The following NLGN1 variants were observed in gnomAD, a reference collection of about 807,000 sequenced individuals.
NLGN1 encodes the protein neuroligin 1.
A neutral mutation model predicts 65.5 loss-of-function variants in NLGN1; 12 were observed. That is an observed-to-expected ratio of 0.18 (90% CI 0.12 to 0.30). The LOEUF (loss-of-function observed/expected upper bound fraction) is 0.30, where lower values mean the gene tolerates loss of function less well. Among genes scored for constraint, NLGN1 ranks in the 10% least tolerant of loss-of-function variants. The pLI is 1.00. For synonymous variants in NLGN1, 350 were observed against 359.5 expected (o/e 0.97, Z 0.30); for missense variants, 750 against 1,007.1 (o/e 0.74, Z 3.46).
intron 4 of NLGN1, among the ~76,000 whole-genome samples, chr3:174,023,871 T>C (rs1425795831): frequency 1.3e-5 from 2 of 152,108 alleles, no homozygotes; most frequent in South Asian, 2.1e-4. Flanking sequence ...CAGGGCAGAC[T>C]GATCTGGAAA....
chr3:174,207,899 A>G (rs1404412600), intron 4 of NLGN1, among the ~76,000 whole-genome samples: 1 of 152,214 alleles, frequency 6.6e-6, no homozygotes, highest in Non-Finnish European at 1.5e-5. Flanking sequence ...AATATATGCA[A>G]ACTAGAACTG....
chr3:173,490,764 T>C (rs1728996817), intron 2 of NLGN1, among the ~76,000 whole-genome samples: 1 of 152,186 alleles, frequency 6.6e-6, no homozygotes, highest in Non-Finnish European at 1.5e-5. Flanking sequence ...TCCTCTTTTA[T>C]TTCATTGAGC....
At chr3:174,013,663 C>A (rs548637374) in intron 4 of NLGN1, among the ~76,000 whole-genome samples, 1 of 152,114 alleles carries the variant, frequency 6.6e-6, no homozygotes, top group African/African-American at 2.4e-5. Flanking sequence ...AGATAAATAT[C>A]GACTTTTCTC....
chr3:173,653,984 C>T (rs1014980727), intron 3 of NLGN1, among the ~76,000 whole-genome samples: 5 of 152,134 alleles, frequency 3.3e-5, no homozygotes, highest in Non-Finnish European at 7.4e-5. Flanking sequence ...AACCGGATAG[C>T]CACATGAGTG....
intron 4 of NLGN1, among the ~76,000 whole-genome samples, chr3:174,272,044 G>C (rs915953229): frequency 2.2e-4 from 33 of 151,712 alleles, no homozygotes; most frequent in African/African-American, 7.2e-4. Flanking sequence ...ATATGTCAAT[G>C]TGTTACAATA....
chr3:173,780,169 G>C (rs1479239744), intron 3 of NLGN1, among the ~76,000 whole-genome samples: 6 of 152,148 alleles, frequency 3.9e-5, no homozygotes, highest in African/African-American at 1.2e-4. Flanking sequence ...ATGCTGCAAT[G>C]CTTCTCACTT....
intron 4 of NLGN1, among the ~76,000 whole-genome samples, chr3:174,076,351 G>C (rs1436400099): frequency 6.6e-6 from 1 of 151,602 alleles, no homozygotes; most frequent in African/African-American, 2.4e-5. Flanking sequence ...TCCTTTATTG[G>C]TTTAGCCGTT....
chr3:173,532,418 T>C (rs573599565), intron 2 of NLGN1, among the ~76,000 whole-genome samples: 76 of 152,352 alleles, frequency 5.0e-4, no homozygotes, highest in South Asian at 4.1e-3. Flanking sequence ...GCCTTCTTTA[T>C]TTTGCATTTT....
At chr3:174,281,522 G>C (rs1204568980) in exon 7 of NLGN1, 1 of 429,872 alleles carries the variant, frequency 2.3e-6, no homozygotes, top group Non-Finnish European at 4.1e-6. Context: ...TGTTCTGAAT[G>C]ATACTTTTTC....
At chr3:174,223,068 G>A (rs146607169) in intron 4 of NLGN1, among the ~76,000 whole-genome samples, 14 of 152,076 alleles carry the variant, frequency 9.2e-5, no homozygotes, top group African/African-American at 2.7e-4. Flanking sequence ...TCTCAACTCC[G>A]TCAGGGATTT....
intron 4 of NLGN1, among the ~76,000 whole-genome samples, chr3:173,902,023 G>A (rs147149666): frequency 6.6e-4 from 101 of 152,002 alleles, no homozygotes; most frequent in Non-Finnish European, 1.2e-3. Context: ...TTAGTACTTT[G>A]CTTGGCATCC....
intron 4 of NLGN1, among the ~76,000 whole-genome samples, chr3:174,116,324 G>GTT (rs1561079068): frequency 9.7e-6 from 1 of 102,834 alleles, no homozygotes; most frequent in Non-Finnish European, 2.0e-5. Flanking sequence ...TTTTTTTCTG[G>GTT]GTTTTCTTTT....
intron 4 of NLGN1, among the ~76,000 whole-genome samples, chr3:174,193,032 G>T (rs2152762564): frequency 6.6e-6 from 1 of 152,104 alleles, no homozygotes; most frequent in South Asian, 2.1e-4. Context: ...TATTACATTG[G>T]TATATAACTA....
intron 4 of NLGN1, among the ~76,000 whole-genome samples, chr3:174,141,046 ATGT>A (rs559290124): frequency 1.5e-3 from 233 of 152,216 alleles, no homozygotes; most frequent in Middle Eastern, 3.5e-3. Flanking sequence ...CTTATGTTAA[ATGT>A]TGTTTAATGG....
intron 3 of NLGN1, among the ~76,000 whole-genome samples, chr3:173,680,801 G>C (rs1403925392): frequency 6.6e-6 from 1 of 152,134 alleles, no homozygotes; most frequent in Non-Finnish European, 1.5e-5. Context: ...ATATTTATTT[G>C]TTTCAGTTCT....
At chr3:173,557,755 A>G (rs1191701287) in intron 2 of NLGN1, among the ~76,000 whole-genome samples, 2 of 152,102 alleles carry the variant, frequency 1.3e-5, no homozygotes, top group Non-Finnish European at 2.9e-5. Context: ...TAGTAACCCC[A>G]TGATGCTTTG....
chr3:173,575,401 T>A lies in NLGN1; in HGVS notation c.-320-28878T>A, dbSNP rs962425605. On this transcript the variant is annotated intron_variant, in intron 2 of 6. Coordinates refer to ENST00000457714, the Ensembl canonical transcript of NLGN1. ...AATAGATATTAGTTCCAAGAACACT[T>A]CTTCACGTACTTTTGGTATTCTAAA... 2.0e-5 allele frequency among the ~76,000 whole-genome samples: 3 copies of A among 152,164 alleles called. No homozygotes were observed. The East Asian group carries it at 5.8e-4, about 29-fold the overall frequency.
At chr3:173,547,659 T>C (rs1267517892) in intron 2 of NLGN1, among the ~76,000 whole-genome samples, 2 of 152,186 alleles carry the variant, frequency 1.3e-5, no homozygotes, top group Non-Finnish European at 1.5e-5. Context: ...CTAGGTATTA[T>C]GTGTCAGCTT....
chr3:173,580,998 A>G (rs1746305621), intron 2 of NLGN1, among the ~76,000 whole-genome samples: 1 of 152,008 alleles, frequency 6.6e-6, no homozygotes, highest in African/African-American at 2.4e-5. Flanking sequence ...CAGCCTCTCC[A>G]AATTTCAGAA....
Sources: gnomAD v4.1 joint callset for allele counts (sites outside exome capture counted in the v4.1 genomes callset) on GRCh38, gnomAD v4.1.1 for gene constraint, MANE v1.5 for transcripts, NCBI Gene and HGNC (gene_info 2026-07-23, HGNC 2026-07-21) for gene names.